NFXL1: variants seen among roughly 807,000 people sequenced by gnomAD.
NFXL1 encodes NF-X1-type zinc finger protein NFXL1.
NFXL1 carries 66 observed loss-of-function variants against 123.3 expected under a neutral mutation model. The ratio of observed to expected loss-of-function variants is 0.54; its 90% CI spans 0.44 to 0.66. The LOEUF (loss-of-function observed/expected upper bound fraction) is 0.66. NFXL1 is among the 30% of genes least tolerant of loss of function. The pLI is 0.00. For missense variants in NFXL1, 944 were observed against 1,125.6 expected (o/e 0.84, Z 2.31); for synonymous variants, 346 against 360.8 (o/e 0.96, Z 0.46).
At position 47,902,892 on chromosome 4, in the gene NFXL1, G is replaced by A. The variant is rs149607147; in HGVS notation, c.647+301C>T. ...ATCCAATTAGGCCAGGCGTGGTGGC[G>A]TGCCAGCCTAGTTGGCACTTTGGGA... On this transcript the variant is annotated intron_variant, in intron 5 of 22. Transcript: ENST00000507489. 8.1e-4 allele frequency among the ~76,000 whole-genome samples: 123 copies of A among 152,266 alleles called. 1 individual carries two copies. In the South Asian group the frequency reaches 0.022, roughly 28 times the overall value.
intron 8 of NFXL1, 88 bp downstream of exon 8, chr4:47,898,669 C>T: frequency 1.2e-6 from 1 of 864,290 alleles, no homozygotes; most frequent in Non-Finnish European, 2.0e-6. Flanking sequence ...TTTTATCCAA[C>T]TAAACCTGAT....
intron 6 of NFXL1, 24 bp downstream of exon 6, chr4:47,899,346 T>G: frequency 6.3e-7 from 1 of 1,576,126 alleles, no homozygotes; most frequent in Non-Finnish European, 8.7e-7. Context: ...CCACAAACAA[T>G]TTAAAATGCA....
chr4:47,868,456 C>A (rs111967446), intron 18 of NFXL1, among the ~76,000 whole-genome samples: 1 of 151,248 alleles, frequency 6.6e-6, no homozygotes. Context: ...AAAAGGCAAA[C>A]AAACTCACTG....
intron 15 of NFXL1, among the ~76,000 whole-genome samples, chr4:47,881,119 A>C (rs899913515): frequency 6.6e-6 from 1 of 152,042 alleles, no homozygotes; most frequent in Non-Finnish European, 1.5e-5. Flanking sequence ...ATATCTATAG[A>C]TATAGATATC....
rs1304823712 is a variant in NFXL1 at position 47,910,816 on chromosome 4, A to G, written c.406+8T>C. ...GACGTCAAAAGTCAAAATTTAAAAG[A>G]TCAGTACCTGTCTGAGTAGTGTATG... On this transcript the variant is annotated splice_region_variant and intron_variant, in intron 3 of 22. Transcript: ENST00000507489. 10 of 1,521,716 alleles carry G rather than the reference A, an allele frequency of 6.6e-6. No homozygotes were observed. Among genetic ancestry groups the G allele is most frequent in the Non-Finnish European group, 8.8e-6 (10 of 1,135,568 alleles). The allele number at this position is 1,521,716 out of a possible 1,614,324, so 94.3% of individuals were successfully genotyped here.
chr4:47,884,116 C>T (rs975990037), intron 15 of NFXL1, among the ~76,000 whole-genome samples: 2 of 152,144 alleles, frequency 1.3e-5, no homozygotes, highest in African/African-American at 4.8e-5. Context: ...GGGCATCAAA[C>T]TCCAACTGGG....
At chr4:47,870,947 G>T (rs571685367) in intron 18 of NFXL1, among the ~76,000 whole-genome samples, 1 of 152,292 alleles carries the variant, frequency 6.6e-6, no homozygotes, top group East Asian at 1.9e-4. Context: ...CAAAATGATG[G>T]CGAAGGACCA....
At chr4:47,895,211 T>C (rs775783569) in intron 10 of NFXL1, among the ~76,000 whole-genome samples, 97 of 152,146 alleles carry the variant, frequency 6.4e-4, no homozygotes, top group Non-Finnish European at 1.3e-3. Context: ...TTGCAGAGCA[T>C]AGGCAGACTA....
intron 3 of NFXL1, among the ~76,000 whole-genome samples, chr4:47,906,827 G>T (rs1321330042): frequency 3.3e-5 from 5 of 152,110 alleles, no homozygotes; most frequent in African/African-American, 1.2e-4. Context: ...AAAATGTACT[G>T]CCCAGCACAT....
intron 19 of NFXL1, among the ~76,000 whole-genome samples, chr4:47,862,542 T>C (rs1327497231): frequency 1.3e-5 from 2 of 152,226 alleles, no homozygotes; most frequent in Non-Finnish European, 2.9e-5. Context: ...ACATCATTCC[T>C]GACCTACTTT....
chr4:47,875,202 C>T lies in NFXL1; in HGVS notation c.2171G>A (p.Gly724Glu). Reference protein sequence around the residue: ...LHPCILRCHPGECPPCVQMLR... With the variant: ...LHPCILRCHPEECPPCVQMLR... Reference sequence around the variant, plus strand: ...CATCTGAACACAAGGTGGACATTCTCCAGGGTGACATCGCAAAATACATGG... The same window carrying T: ...CATCTGAACACAAGGTGGACATTCTTCAGGGTGACATCGCAAAATACATGG... Residue 724 changes from glycine to glutamate, a missense_variant, in exon 18 of 23, where the codon GGA becomes GAA. This residue lies in a region of NFXL1 where 301 missense variants were observed against 348.0 expected (regional missense o/e 0.86). Coordinates refer to ENST00000507489, the MANE Select transcript of NFXL1 (RefSeq NM_001278624.2). The T allele has an allele frequency of 1.9e-6, 3 of 1,612,926 alleles. No individual in the cohort carries two copies. Among genetic ancestry groups the T allele is most frequent in the Non-Finnish European group, 1.7e-6 (2 of 1,179,042 alleles).
intron 3 of NFXL1, among the ~76,000 whole-genome samples, chr4:47,908,165 C>T (rs557908681): frequency 6.6e-5 from 10 of 152,296 alleles, no homozygotes; most frequent in South Asian, 2.1e-4. Flanking sequence ...CAGTGGCTCA[C>T]GCCTGCCACT....
rs529866980 is a variant in NFXL1, at chr4:47,896,516, G to A, written c.1329+7C>T. 1 of 1,609,394 alleles carries A rather than the reference G, an allele frequency of 6.2e-7. No individual in the cohort carries two copies. Among genetic ancestry groups the A allele is most frequent in the South Asian group, 1.1e-5 (1 of 90,910 alleles). ...CTTAAAAGTAATTATTACAGGAGAT[G>A]ACTAACTTGTCTACATGTTTCACAG... On this transcript the variant is annotated splice_region_variant and intron_variant, in intron 10 of 22. Transcript: ENST00000507489.
chr4:47,866,798 A>G (rs1240578306), intron 18 of NFXL1, among the ~76,000 whole-genome samples: 1 of 152,208 alleles, frequency 6.6e-6, no homozygotes, highest in Admixed American at 6.5e-5. Flanking sequence ...TTTATGCTGA[A>G]CAGTTGCTTT....
chr4:47,899,241 G>T, intron 6 of NFXL1, 121 bp from the exon 7 acceptor site: 1 of 1,287,510 alleles, frequency 7.8e-7, no homozygotes, highest in African/African-American at 1.5e-5. Flanking sequence ...CTTTACAAAA[G>T]GCAATAACTT....
chr4:47,881,995 A>G (rs560174563), intron 15 of NFXL1, among the ~76,000 whole-genome samples: 3 of 152,342 alleles, frequency 2.0e-5, no homozygotes, highest in Non-Finnish European at 2.9e-5. Flanking sequence ...TAAAACCCAC[A>G]GAACCATACA....
chr4:47,890,542 A>ATT (rs1736703888), intron 12 of NFXL1, 71 bp downstream of exon 12: 1 of 789,676 alleles, frequency 1.3e-6, no homozygotes, highest in African/African-American at 1.8e-5. Context: ...CATTATATTG[A>ATT]ATATTGACAA....
upstream of NFXL1, chr4:47,914,624 GCCC>G (rs893980863): frequency 1.3e-5 from 2 of 153,292 alleles, no homozygotes; most frequent in African/African-American, 2.4e-5. Context: ...GACTGCGCAC[GCCC>G]CCAACAGACT....
chr4:47,889,823 G>A (rs1279863052), intron 12 of NFXL1, among the ~76,000 whole-genome samples: 4 of 152,074 alleles, frequency 2.6e-5, no homozygotes, highest in African/African-American at 9.7e-5. Context: ...CCTTTCAGGA[G>A]GTCTGCAAGG....
Sources: gnomAD v4.1 joint callset for allele counts (sites outside exome capture counted in the v4.1 genomes callset) on GRCh38, gnomAD v4.1.1 for gene constraint, gnomAD v4.1.1 regional missense constraint, MANE v1.5 for transcripts, NCBI Gene and HGNC (gene_info 2026-07-23, HGNC 2026-07-21) for gene names.